Variants in CCDC63 observed in about 807,000 individuals in gnomAD.
The protein encoded by CCDC63 is coiled-coil domain containing 63.
In CCDC63, 54 loss-of-function variants were observed where a neutral mutation model predicts 63.6. The observed-to-expected ratio is 0.85, with a 90% CI of 0.68 to 1.07. CCDC63 has a LOEUF of 1.07. Among genes scored for constraint, CCDC63 ranks in the 50% least tolerant of loss-of-function variants. CCDC63 has a pLI of 0.00. For synonymous variants in CCDC63, 253 were observed against 266.1 expected (o/e 0.95, Z 0.48); for missense variants, 637 against 689.6 (o/e 0.92, Z 0.86).
chr12:110,855,289 A>G (rs2070756518), intron 3 of CCDC63, among the ~76,000 whole-genome samples: 2 of 152,326 alleles, frequency 1.3e-5, no homozygotes, highest in South Asian at 4.1e-4. Context: ...ATAAATCTAC[A>G]AAACAGTGGT....
upstream of CCDC63, among the ~76,000 whole-genome samples, chr12:110,844,643 TC>T (rs2070620337): frequency 6.6e-6 from 1 of 152,210 alleles, no homozygotes; most frequent in South Asian, 2.1e-4. Flanking sequence ...AAACTTAGAT[TC>T]CCAGTCATTG....
intron 11 of CCDC63, among the ~76,000 whole-genome samples, chr12:110,905,796 CA>C (rs2071551975): frequency 7.3e-6 from 1 of 136,418 alleles, no homozygotes; most frequent in South Asian, 2.2e-4. Flanking sequence ...CATATGCATG[CA>C]ATACACAGGC....
At chr12:110,874,703 T>C (rs2071109109) in intron 5 of CCDC63, among the ~76,000 whole-genome samples, 1 of 152,194 alleles carries the variant, frequency 6.6e-6, no homozygotes, top group South Asian at 2.1e-4. Flanking sequence ...GAGTTCCCAC[T>C]GGGCCAGCTT....
chr12:110,896,225 C>T (rs1439919546), intron 9 of CCDC63, among the ~76,000 whole-genome samples: 3 of 152,136 alleles, frequency 2.0e-5, no homozygotes, highest in African/African-American at 7.2e-5. Flanking sequence ...ACTGCAGCCT[C>T]AACCTCCCAG....
rs533891883 is a variant in CCDC63, at chr12:110,890,205, G to A, written c.1075-2871G>A. Among the ~76,000 whole-genome samples the A allele has an allele frequency of 1.7e-4, 26 of 152,096 alleles. No homozygotes were observed. The East Asian group carries it at 5.0e-3, about 29-fold the overall frequency. ...TCTAGTCCCAGCTACTCAGAAGGCT[G>A]AAGTGGGAGGATTGCTTGAGCCTGG... On this transcript the variant is annotated intron_variant, in intron 8 of 11. Coordinates refer to ENST00000308208, the MANE Select transcript of CCDC63 (RefSeq NM_152591.3).
intron 4 of CCDC63, among the ~76,000 whole-genome samples, chr12:110,866,892 C>T (rs867892062): frequency 0.015 from 2,274 of 149,274 alleles, 22 homozygotes; most frequent in African/African-American, 0.052. Context: ...CCAGTAGGGG[C>T]GGCCGGGCAG....
In CCDC63 at chr12:110,889,541, G is replaced by T. The variant is rs989419204; in HGVS notation, c.1075-3535G>T. Reference sequence around the variant, plus strand: ...GGAAACAGCAACAGCACACGCAAAGGCCCTGACGCAGCTTGCAAGCAGGCC... The same window carrying T: ...GGAAACAGCAACAGCACACGCAAAGTCCCTGACGCAGCTTGCAAGCAGGCC... On this transcript the variant is annotated intron_variant, in intron 8 of 11. Transcript: ENST00000308208. This position sits in a 1 kb window ranked among gnomAD's most constrained non-coding sequence, Gnocchi z 4.1. 2.0e-5 allele frequency among the ~76,000 whole-genome samples: 3 copies of T among 152,078 alleles called. No individual in the cohort carries two copies. Among genetic ancestry groups the T allele is most frequent in the African/African-American group, 7.2e-5 (3 of 41,408 alleles).
chr12:110,883,084 C>T (rs1593678064), intron 7 of CCDC63, among the ~76,000 whole-genome samples: 1 of 150,452 alleles, frequency 6.6e-6, no homozygotes, highest in East Asian at 2.0e-4. Flanking sequence ...GTCACCCAGG[C>T]TGGAGTGCAG....
intron 1 of CCDC63, among the ~76,000 whole-genome samples, chr12:110,847,803 G>C (rs995105259): frequency 6.6e-6 from 1 of 152,156 alleles, no homozygotes; most frequent in African/African-American, 2.4e-5. Flanking sequence ...GGAATCCTTC[G>C]GGGGCAGGCT....
intron 10 of CCDC63, among the ~76,000 whole-genome samples, chr12:110,902,027 C>T (rs1413415796): frequency 1.3e-5 from 2 of 152,154 alleles, no homozygotes; most frequent in African/African-American, 4.8e-5. Flanking sequence ...GATGGGGTTT[C>T]ACCACGTTGG....
intron 7 of CCDC63, among the ~76,000 whole-genome samples, chr12:110,881,979 T>C (rs1447582783): frequency 6.6e-6 from 1 of 152,188 alleles, no homozygotes; most frequent in Non-Finnish European, 1.5e-5. Flanking sequence ...GGAGACTTAT[T>C]GTCAGGGGTC....
chr12:110,874,073 C>G, intron 5 of CCDC63, 112 bp downstream of exon 5: 1 of 1,395,726 alleles, frequency 7.2e-7, no homozygotes, highest in Non-Finnish European at 9.6e-7. Flanking sequence ...CTGGTTGACT[C>G]AGGAGCAGGT....
At chr12:110,881,915 A>G (rs1400323489) in intron 7 of CCDC63, among the ~76,000 whole-genome samples, 2 of 152,138 alleles carry the variant, frequency 1.3e-5, no homozygotes, top group Non-Finnish European at 2.9e-5. Context: ...TTATCTGCCA[A>G]CCCTAATTTA....
At chr12:110,867,322 C>A (rs2070974914) in intron 4 of CCDC63, among the ~76,000 whole-genome samples, 1 of 111,178 alleles carries the variant, frequency 9.0e-6, no homozygotes. Context: ...CCCTCACCTC[C>A]CAGACGGGGC....
intron 2 of CCDC63, 49 bp from the exon 3 acceptor site, chr12:110,853,356 C>CGG (rs2070730410): frequency 1.9e-6 from 3 of 1,568,622 alleles, no homozygotes; most frequent in Non-Finnish European, 2.6e-6. Flanking sequence ...GTGGGCTTCT[C>CGG]TAGCCACCTG....
intron 4 of CCDC63, 37 bp downstream of exon 4, chr12:110,858,812 G>T: frequency 6.4e-7 from 1 of 1,573,932 alleles, no homozygotes; most frequent in South Asian, 1.2e-5. Context: ...CCAGAACACA[G>T]AGCAAAGGGG....
chr12:110,873,242 CAAAA>C (rs1400146926), intron 4 of CCDC63, among the ~76,000 whole-genome samples: 1 of 152,006 alleles, frequency 6.6e-6, no homozygotes, highest in Non-Finnish European at 1.5e-5. Flanking sequence ...TCTCAAAAAA[CAAAA>C]AGAAAGTTTC....
intron 4 of CCDC63, among the ~76,000 whole-genome samples, chr12:110,862,174 C>T (rs2070862513): frequency 6.6e-6 from 1 of 152,160 alleles, no homozygotes; most frequent in African/African-American, 2.4e-5. Flanking sequence ...TGAAGAGGAG[C>T]TGGGGCCATG....
chr12:110,858,849 C>T, intron 4 of CCDC63, 74 bp downstream of exon 4: 4 of 1,334,044 alleles, frequency 3.0e-6, no homozygotes, highest in African/African-American at 1.4e-5. Flanking sequence ...ATTCGTGATG[C>T]CTTAGGCCAG....
Sources: gnomAD v4.1 joint callset for allele counts (sites outside exome capture counted in the v4.1 genomes callset) on GRCh38, gnomAD v4.1.1 for gene constraint, Gnocchi (gnomAD v3.1) non-coding constraint, MANE v1.5 for transcripts, NCBI Gene and HGNC (gene_info 2026-07-23, HGNC 2026-07-21) for gene names.